The following PRRC2C variants were observed in gnomAD, a reference collection of about 807,000 sequenced individuals.
PRRC2C encodes protein PRRC2C.
A neutral mutation model predicts 317.2 loss-of-function variants in PRRC2C; 72 were observed. The ratio of observed to expected loss-of-function variants is 0.23; its 90% CI spans 0.19 to 0.28. PRRC2C has a LOEUF of 0.28. PRRC2C is among the 10% of genes least tolerant of loss of function. The probability of loss-of-function intolerance (pLI) is 1.00; values close to 1 mark genes in which losing one functional copy is unlikely to be tolerated. For synonymous variants in PRRC2C, 1,296 were observed against 1,205.9 expected, an observed-to-expected ratio of 1.07 and a Z score of -1.55; for missense variants, 3,074 against 3,459.7, an observed-to-expected ratio of 0.89 and a Z score of 2.80.
At chr1:171,554,632 CAGG>C (rs1253833669) in intron 18 of PRRC2C, among the ~76,000 whole-genome samples, 4 of 150,966 alleles carry the variant, frequency 2.6e-5, no homozygotes, top group African/African-American at 9.7e-5. Flanking sequence ...TGTTTAGTGT[CAGG>C]AGCTCTTGTA....
rs1275642685 is a variant in PRRC2C, at chr1:171,579,425, T to C, written c.7231T>C (p.Ser2411Pro). ...CCAACATGCACGATTGGCTCCGCCA[T>C]CCTTGGCTCAACAACAGGGTTTCCA... ...NTQHARLAPPSLAQQQGFQPG... is the reference protein window; with the variant it reads ...NTQHARLAPPPLAQQQGFQPG... The change falls in exon 27 of 35, where the codon TCC becomes CCC. Residue 2411 changes from serine (S) to proline (P), a missense_variant. Transcript: ENST00000647382. The C allele has an allele frequency of 6.2e-7, 1 of 1,613,886 alleles. No individual in the cohort carries two copies. Among genetic ancestry groups the C allele is most frequent in the Non-Finnish European group, 8.5e-7 (1 of 1,179,868 alleles).
At chr1:171,582,866 A>AAC (rs753927183) in intron 28 of PRRC2C, among the ~76,000 whole-genome samples, 2 of 151,656 alleles carry the variant, frequency 1.3e-5, no homozygotes, top group South Asian at 2.1e-4. Flanking sequence ...TTAAAAAAAA[A>AAC]AAAACAAATT....
chr1:171,490,543 G>C (rs1666944573), intron 1 of PRRC2C, among the ~76,000 whole-genome samples: 1 of 152,188 alleles, frequency 6.6e-6, no homozygotes, highest in African/African-American at 2.4e-5. Context: ...CAAAGGAGTA[G>C]GTTTATTTAG....
At position 171,536,184 on chromosome 1, in the gene PRRC2C, G is replaced by A. The variant is rs770978279; in HGVS notation, c.2199G>A (p.Met733Ile). The change falls in exon 14 of 35, where the codon ATG becomes ATA. Residue 733 changes from methionine to isoleucine, a missense_variant. Met to Ile is a conservative substitution (Grantham distance 10). Around this residue, in one of 11 missense-constraint regions of PRRC2C, gnomAD observed 1,320 missense variants for 1,395.7 expected, o/e 0.95. Coordinates refer to ENST00000647382, the MANE Select transcript of PRRC2C (RefSeq NM_001387844.1). ...MQPHPQHLAS[M>I]GFDPRWLMMQ... ...CTCATCCTCAGCATTTGGCTTCTATGGGTTTTGATCCAAGGTGGCTCATGA... is the reference window on the plus strand; with the variant it reads ...CTCATCCTCAGCATTTGGCTTCTATAGGTTTTGATCCAAGGTGGCTCATGA... 32 of 1,612,944 alleles carry A rather than the reference G, an allele frequency of 2.0e-5. No individual in the cohort carries two copies. The highest frequency in any genetic ancestry group is 2.7e-5 in the African/African-American group (2 of 74,892).
intron 12 of PRRC2C, among the ~76,000 whole-genome samples, chr1:171,533,604 T>TTTG (rs1369529822): frequency 1.3e-5 from 2 of 152,094 alleles, no homozygotes; most frequent in Non-Finnish European, 2.9e-5. Flanking sequence ...TCGTTTTTTG[T>TTTG]TTGTTGTTGT....
In PRRC2C at chr1:171,591,885, G is replaced by GCCCCCCCC; in HGVS notation, c.*38_*39insCCCCCCCC. 2 of 433,588 alleles carry GCCCCCCCC rather than the reference G, an allele frequency of 4.6e-6. No homozygotes were observed. The highest frequency in any genetic ancestry group is 8.6e-6 in the Non-Finnish European group (2 of 233,614). The allele number at this position is 433,588 out of a possible 1,614,324, so 26.9% of individuals were successfully genotyped here. ...ATTGCAGGGGATTGGGAGGGGGGCG[G>GCCCCCCCC]GAAAACATGGAGAATTAAGTCAGAT... On this transcript the variant is annotated 3_prime_UTR_variant, in exon 35 of 35. Transcript: ENST00000647382.
chr1:171,581,430 G>A (rs1457044886), intron 28 of PRRC2C, among the ~76,000 whole-genome samples: 2 of 152,138 alleles, frequency 1.3e-5, no homozygotes, highest in Admixed American at 1.3e-4. Flanking sequence ...GTGGGAGGTG[G>A]AGTAGCAATG....
At chr1:171,563,748 A>G (rs1683120743) in intron 20 of PRRC2C, among the ~76,000 whole-genome samples, 1 of 152,190 alleles carries the variant, frequency 6.6e-6, no homozygotes, top group South Asian at 2.1e-4. Context: ...TCTAAAACTC[A>G]AGAGTCACTG....
chr1:171,543,626 A>C (rs1354110795), intron 16 of PRRC2C, among the ~76,000 whole-genome samples: 1 of 152,190 alleles, frequency 6.6e-6, no homozygotes, highest in East Asian at 1.9e-4. Flanking sequence ...AGCTGATAAG[A>C]ATTTAAGAAT....
intron 11 of PRRC2C, among the ~76,000 whole-genome samples, chr1:171,528,991 C>T (rs1456317073): frequency 6.6e-6 from 1 of 151,980 alleles, no homozygotes; most frequent in East Asian, 1.9e-4. Flanking sequence ...GAGACAGGGT[C>T]TCACCTTCAT....
At chr1:171,560,239 A>G (rs1682395455) in intron 19 of PRRC2C, among the ~76,000 whole-genome samples, 1 of 152,198 alleles carries the variant, frequency 6.6e-6, no homozygotes, top group Non-Finnish European at 1.5e-5. Flanking sequence ...ACCCTCATGG[A>G]TGACTTGGAG....
intron 17 of PRRC2C, among the ~76,000 whole-genome samples, chr1:171,547,845 G>A (rs898326951): frequency 6.6e-6 from 1 of 151,754 alleles, no homozygotes; most frequent in Non-Finnish European, 1.5e-5. Context: ...TTAGTAGAGG[G>A]TTTCGCCATG....
chr1:171,581,015 C>T (rs957844569), intron 28 of PRRC2C, among the ~76,000 whole-genome samples: 1 of 152,194 alleles, frequency 6.6e-6, no homozygotes, highest in Admixed American at 6.5e-5. Context: ...ACTTTCTTAA[C>T]AGAGAGCCTA....
In PRRC2C at chr1:171,545,791, C is replaced by T. The variant is rs1287044026; in HGVS notation, c.4972+104C>T. On this transcript the variant is annotated intron_variant, in intron 17 of 34. Transcript: ENST00000647382. ...AGATGCCACAATTAAAGAAGTTTTC[C>T]AAGAAGGAAAGATTTGGACATTCAA... is the stretch of plus-strand genomic sequence containing the variant. 11 of 825,718 alleles carry T rather than the reference C, an allele frequency of 1.3e-5. No homozygotes were observed. In the African/African-American group the frequency reaches 2.0e-4, roughly 15 times the overall value. The allele number at this position is 825,718 out of a possible 1,614,324, so 51.1% of individuals were successfully genotyped here. A position where few individuals can be genotyped will look rare whatever the true frequency, so the allele number is the denominator to read the frequency against.
At chr1:171,487,518 G>T (rs1036787986) in intron 1 of PRRC2C, among the ~76,000 whole-genome samples, 7 of 152,132 alleles carry the variant, frequency 4.6e-5, no homozygotes, top group Admixed American at 3.3e-4. Flanking sequence ...TTGGGGTAGA[G>T]GCTAATTTTT....
chr1:171,498,358 A>G (rs1376885113), intron 1 of PRRC2C, among the ~76,000 whole-genome samples: 1 of 152,118 alleles, frequency 6.6e-6, no homozygotes, highest in East Asian at 1.9e-4. Context: ...CGCCTCCAAG[A>G]TGGCACCTTG....
intron 20 of PRRC2C, among the ~76,000 whole-genome samples, chr1:171,564,600 A>G (rs961121330): frequency 6.6e-6 from 1 of 152,212 alleles, no homozygotes; most frequent in Non-Finnish European, 1.5e-5. Context: ...CGTCCTGAGA[A>G]ATGGGTCATT....
At chr1:171,589,652 C>G in intron 34 of PRRC2C, 47 bp downstream of exon 34, 1 of 1,236,566 alleles carries the variant, frequency 8.1e-7, no homozygotes, top group Non-Finnish European at 1.1e-6. Flanking sequence ...TGTCTCTGAA[C>G]CATGTCTTAA....
rs778618493 is a variant in PRRC2C, at chr1:171,557,985, C to G, written c.5873C>G (p.Pro1958Arg). Reference sequence around the variant, plus strand: ...TCTCAGTCTTCAAAACAACCACCACCATCAATTAGGCTGCCTTCAGCTCAA... The same window carrying G: ...TCTCAGTCTTCAAAACAACCACCACGATCAATTAGGCTGCCTTCAGCTCAA... ...TTSQSSKQPP[P>R]SIRLPSAQTP... is the part of the protein sequence containing the mutation. The change falls in exon 19 of 35, where the codon CCA becomes CGA. Residue 1958 changes from proline (P) to arginine (R), a missense_variant. Transcript: ENST00000647382. The G allele has an allele frequency of 8.1e-6, 13 of 1,613,844 alleles. No individual in the cohort carries two copies. In the South Asian group the frequency reaches 1.4e-4, roughly 18 times the overall value.
Sources: gnomAD v4.1 joint callset for allele counts (sites outside exome capture counted in the v4.1 genomes callset) on GRCh38, gnomAD v4.1.1 for gene constraint, gnomAD v4.1.1 regional missense constraint, MANE v1.5 for transcripts, NCBI Gene and HGNC (gene_info 2026-07-23, HGNC 2026-07-21) for gene names.